CATSPERT: variants seen among roughly 807,000 people sequenced by gnomAD.
CATSPERT encodes the protein cation channel sperm-associated targeting subunit tau.
the CATSPERT span, among the ~76,000 whole-genome samples, chr2:201,586,977 C>T: frequency 6.6e-6 from 1 of 151,826 alleles, no homozygotes; most frequent in Non-Finnish European, 1.5e-5. Flanking sequence ...CTCCCTGGCT[C>T]CCTCCCTCTC....
chr2:201,575,164 T>C, the CATSPERT span: 3 of 784,956 alleles, frequency 3.8e-6, no homozygotes, highest in Non-Finnish European at 5.7e-6. Context: ...GTGACTGGTA[T>C]GGTAACTAAA....
the CATSPERT span, among the ~76,000 whole-genome samples, chr2:201,581,432 T>TCA: frequency 1.4e-5 from 1 of 72,822 alleles, no homozygotes; most frequent in African/African-American, 5.2e-5. Flanking sequence ...TTACTTAATT[T>TCA]CATATATATA....
At chr2:201,606,356 A>C in the CATSPERT span, among the ~76,000 whole-genome samples, 1 of 152,246 alleles carries the variant, frequency 6.6e-6, no homozygotes, top group African/African-American at 2.4e-5. Context: ...AGGGCAACAT[A>C]CAAAGCAATG....
chr2:201,560,230 C>A, the CATSPERT span, among the ~76,000 whole-genome samples: 1 of 151,962 alleles, frequency 6.6e-6, no homozygotes, highest in Admixed American at 6.6e-5. Flanking sequence ...GAGTTCAAGA[C>A]CATGCTGGCC....
chr2:201,492,248 T>C, the CATSPERT span: 8 of 1,519,476 alleles, frequency 5.3e-6, no homozygotes, highest in East Asian at 2.5e-5. Flanking sequence ...AAATGTGTTT[T>C]TATATATTTT....
the CATSPERT span, among the ~76,000 whole-genome samples, chr2:201,544,227 A>C: frequency 5.3e-5 from 8 of 152,094 alleles, no homozygotes; most frequent in African/African-American, 1.9e-4. Context: ...CATGGTGTAT[A>C]TGTGCCGTAT....
the CATSPERT span, chr2:201,565,878 AAAT>A: frequency 1.9e-6 from 3 of 1,572,340 alleles, no homozygotes; most frequent in South Asian, 3.6e-5. Flanking sequence ...CTTTTCTGCA[AAAT>A]AATAATAAAG....
the CATSPERT span, among the ~76,000 whole-genome samples, chr2:201,601,273 A>AGTGTGTGTGT: frequency 6.7e-4 from 28 of 41,854 alleles, no homozygotes; most frequent in African/African-American, 1.5e-3. Flanking sequence ...TAAGGATGAT[A>AGTGTGTGTGT]GTGTGTGTGT....
chr2:201,599,125 G>T, the CATSPERT span, among the ~76,000 whole-genome samples: 2 of 151,900 alleles, frequency 1.3e-5, no homozygotes, highest in Non-Finnish European at 2.9e-5. Flanking sequence ...GCCCTCAGTG[G>T]TGTGTCATGT....
At chr2:201,592,576 C>G in the CATSPERT span, among the ~76,000 whole-genome samples, 3 of 150,754 alleles carry the variant, frequency 2.0e-5, no homozygotes, top group African/African-American at 4.9e-5. Context: ...CTCCTTGTAC[C>G]TCTGGTAGAA....
the CATSPERT span, among the ~76,000 whole-genome samples, chr2:201,558,751 T>G: frequency 6.6e-6 from 1 of 152,164 alleles, no homozygotes; most frequent in East Asian, 1.9e-4. Context: ...TCCACCTCTG[T>G]GAGCCAAGCT....
At chr2:201,487,505 G>C in the CATSPERT span, 1 of 1,044,058 alleles carries the variant, frequency 9.6e-7, no homozygotes. Flanking sequence ...CAAAAGAAGA[G>C]ATCTCCAAAC....
chr2:201,582,089 AC>A, the CATSPERT span: 1 of 1,598,606 alleles, frequency 6.3e-7, no homozygotes. Context: ...ATCATTTTAT[AC>A]ATACCTGAAT....
chr2:201,493,895 C>A, the CATSPERT span: 1 of 1,537,112 alleles, frequency 6.5e-7, no homozygotes, highest in South Asian at 1.2e-5. Context: ...TGTTCTTCTA[C>A]CTCTGGAGAT....
chr2:201,570,239 A>C, the CATSPERT span, among the ~76,000 whole-genome samples: 1 of 152,100 alleles, frequency 6.6e-6, no homozygotes, highest in African/African-American at 2.4e-5. Flanking sequence ...GCCTGATCCA[A>C]CTTTATGTTC....
the CATSPERT span, chr2:201,582,288 A>C: frequency 3.0e-6 from 4 of 1,326,622 alleles, no homozygotes; most frequent in Non-Finnish European, 4.1e-6. Context: ...CATACATCCA[A>C]TATACTATTA....
At chr2:201,568,117 T>A in the CATSPERT span, among the ~76,000 whole-genome samples, 1 of 152,180 alleles carries the variant, frequency 6.6e-6, no homozygotes, top group African/African-American at 2.4e-5. Flanking sequence ...CTTCACTGTA[T>A]ACAGGATGTC....
the CATSPERT span, among the ~76,000 whole-genome samples, chr2:201,591,387 G>C: frequency 2.6e-5 from 4 of 152,190 alleles, no homozygotes; most frequent in East Asian, 7.7e-4. Flanking sequence ...GGTTACTGTA[G>C]TCTTGTAGTA....
chr2:201,618,115 T>C, the CATSPERT span, among the ~76,000 whole-genome samples: 1 of 152,046 alleles, frequency 6.6e-6, no homozygotes, highest in Non-Finnish European at 1.5e-5. Flanking sequence ...TTGGTGGGAG[T>C]GTAAACTAGT....
Sources: gnomAD v4.1 joint callset for allele counts (sites outside exome capture counted in the v4.1 genomes callset) on GRCh38, gnomAD v4.1.1 for gene constraint, MANE v1.5 for transcripts, NCBI Gene and HGNC (gene_info 2026-07-23, HGNC 2026-07-21) for gene names.